The following NTM variants were observed in gnomAD, a reference collection of about 807,000 sequenced individuals.
The protein encoded by NTM is neurotrimin, also known as IgLON family member 2.
A neutral mutation model predicts 42.1 loss-of-function variants in NTM; 13 were observed. The ratio of observed to expected loss-of-function variants is 0.31; its 90% CI spans 0.20 to 0.49. NTM has a LOEUF of 0.49. Ranked by LOEUF, NTM falls within the 20% of genes least tolerant of loss-of-function variation. The probability of loss-of-function intolerance (pLI) is 0.99; values close to 1 mark genes in which losing one functional copy is unlikely to be tolerated. For synonymous variants in NTM, 187 were observed against 179.2 expected, an observed-to-expected ratio of 1.04 and a Z score of -0.35; for missense variants, 373 against 452.8, an observed-to-expected ratio of 0.82 and a Z score of 1.60.
intron 1 of NTM, among the ~76,000 whole-genome samples, chr11:131,426,375 A>G (rs1221860448): frequency 6.6e-6 from 1 of 152,086 alleles, no homozygotes; most frequent in Admixed American, 6.5e-5. Flanking sequence ...GCATCCCCAC[A>G]AGGGCACGAC....
At chr11:131,891,882 ATCATAG>A (rs2051399515) in intron 1 of NTM, among the ~76,000 whole-genome samples, 1 of 152,274 alleles carries the variant, frequency 6.6e-6, no homozygotes, top group African/African-American at 2.4e-5. Context: ...CTGCTCCTGA[ATCATAG>A]TCTTCCTTTT....
At chr11:131,491,074 G>C (rs186247979) in intron 1 of NTM, among the ~76,000 whole-genome samples, 1 of 152,304 alleles carries the variant, frequency 6.6e-6, no homozygotes, top group East Asian at 1.9e-4. Context: ...TTTGAAACTA[G>C]TCTGTGGAAA....
intron 2 of NTM, among the ~76,000 whole-genome samples, chr11:132,082,755 G>A (rs2059245893): frequency 6.6e-6 from 1 of 152,240 alleles, no homozygotes; most frequent in Non-Finnish European, 1.5e-5. Context: ...ATGGCAGTCA[G>A]AGGCCTAAGG....
chr11:131,450,086 C>T (rs1950369841), intron 1 of NTM, among the ~76,000 whole-genome samples: 1 of 152,166 alleles, frequency 6.6e-6, no homozygotes, highest in South Asian at 2.1e-4. Flanking sequence ...TCCTGCAGGT[C>T]CCTGCAGGTA....
chr11:132,013,741 T>C (rs1317412325), intron 2 of NTM, among the ~76,000 whole-genome samples: 1 of 152,178 alleles, frequency 6.6e-6, no homozygotes, highest in Non-Finnish European at 1.5e-5. Flanking sequence ...CAATAATTTT[T>C]GTGTTTTTTG....
intron 1 of NTM, among the ~76,000 whole-genome samples, chr11:131,751,444 G>A (rs2082509077): frequency 6.6e-6 from 1 of 152,012 alleles, no homozygotes; most frequent in Non-Finnish European, 1.5e-5. Context: ...CAAAAAATTA[G>A]CCGGGCGCGG....
At chr11:131,388,883 G>A (rs1171393323) in intron 1 of NTM, among the ~76,000 whole-genome samples, 10 of 151,492 alleles carry the variant, frequency 6.6e-5, no homozygotes, top group South Asian at 4.2e-4. Flanking sequence ...ATGGTGGCAC[G>A]TGCCTGTAAT....
chr11:132,277,471 C>T (rs1266815556), intron 4 of NTM, among the ~76,000 whole-genome samples: 1 of 152,046 alleles, frequency 6.6e-6, no homozygotes, highest in African/African-American at 2.4e-5. Context: ...CTACTTGATA[C>T]CTTTGCAGAT....
chr11:132,126,785 T>C (rs2065911636), intron 2 of NTM, among the ~76,000 whole-genome samples: 1 of 152,168 alleles, frequency 6.6e-6, no homozygotes, highest in Non-Finnish European at 1.5e-5. Flanking sequence ...TTCCGATTTG[T>C]GCTGGCTGCG....
intron 1 of NTM, among the ~76,000 whole-genome samples, chr11:131,876,358 C>G (rs1272483349): frequency 1.3e-5 from 2 of 152,208 alleles, no homozygotes; most frequent in African/African-American, 4.8e-5. Context: ...CGGAGGCCCA[C>G]TGGGTCTCCT....
chr11:131,676,519 A>G (rs1427270156), intron 1 of NTM, among the ~76,000 whole-genome samples: 1 of 152,096 alleles, frequency 6.6e-6, no homozygotes, highest in Non-Finnish European at 1.5e-5. Flanking sequence ...GTGACTGTGA[A>G]CCTGCATATG....
intron 1 of NTM, among the ~76,000 whole-genome samples, chr11:131,374,623 C>T: frequency 6.6e-6 from 1 of 152,158 alleles, no homozygotes. Flanking sequence ...GTGATAGGGT[C>T]TAGATTGCCT....
chr11:131,593,600 C>T (rs2059570676), intron 1 of NTM, among the ~76,000 whole-genome samples: 1 of 152,204 alleles, frequency 6.6e-6, no homozygotes, highest in South Asian at 2.1e-4. Context: ...TTGTAAAAGC[C>T]GTTATCACCT....
chr11:132,310,056 CAAAA>C (rs71477755), intron 5 of NTM, 52 bp from the exon 6 acceptor site: 2,161 of 1,311,164 alleles, frequency 1.6e-3, no homozygotes, highest in South Asian at 3.5e-3. Context: ...GACTCCATCT[CAAAA>C]AAAAAAAAAA....
At chr11:131,634,118 G>A (rs1359074245) in intron 1 of NTM, among the ~76,000 whole-genome samples, 1 of 152,166 alleles carries the variant, frequency 6.6e-6, no homozygotes, top group East Asian at 1.9e-4. Flanking sequence ...GGGTAAACAG[G>A]AGTGGTTGGT....
At chr11:132,097,370 G>A (rs1363485754) in intron 2 of NTM, among the ~76,000 whole-genome samples, 16 of 152,288 alleles carry the variant, frequency 1.1e-4, no homozygotes, top group East Asian at 7.7e-4. Context: ...TTGGTGCCAC[G>A]TCGGCCAGGA....
At chr11:132,278,784 T>TC (rs59045128) in intron 4 of NTM, among the ~76,000 whole-genome samples, 10 of 148,996 alleles carry the variant, frequency 6.7e-5, no homozygotes, top group South Asian at 2.2e-4. Context: ...TCTCTCTCTC[T>TC]TTACTGCTTA....
At chr11:132,274,325 C>CT (rs1220182622) in intron 4 of NTM, among the ~76,000 whole-genome samples, 5 of 151,474 alleles carry the variant, frequency 3.3e-5, no homozygotes, top group Admixed American at 6.6e-5. Context: ...AGGTCACTCT[C>CT]TTTTTTTTAA....
intron 1 of NTM, among the ~76,000 whole-genome samples, chr11:131,843,345 G>A (rs1471645520): frequency 6.6e-6 from 1 of 152,130 alleles, no homozygotes; most frequent in Non-Finnish European, 1.5e-5. Flanking sequence ...TGTTCTCCAT[G>A]ATTTTGAACT....
Sources: gnomAD v4.1 joint callset for allele counts (sites outside exome capture counted in the v4.1 genomes callset) on GRCh38, gnomAD v4.1.1 for gene constraint, MANE v1.5 for transcripts, NCBI Gene and HGNC (gene_info 2026-07-23, HGNC 2026-07-21) for gene names.